ABCA13: variants seen among roughly 807,000 people sequenced by gnomAD.
ABCA13 encodes ATP-binding cassette sub-family A member 13.
Under a neutral mutation model 478.7 loss-of-function variants are expected in ABCA13, and 476 were observed. That is an observed-to-expected ratio of 0.99 (90% CI 0.92 to 1.07). The LOEUF (loss-of-function observed/expected upper bound fraction) is 1.07, where lower values mean the gene tolerates loss of function less well. Ranked by LOEUF, ABCA13 falls within the 50% of genes least tolerant of loss-of-function variation. ABCA13 has a pLI of 0.00. For missense variants in ABCA13, 6,060 were observed against 5,910.6 expected, an observed-to-expected ratio of 1.03 and a Z score of -0.83; for synonymous variants, 2,252 against 2,158.9, an observed-to-expected ratio of 1.04 and a Z score of -1.20.
chr7:48,229,217 T>G (rs1379475754), intron 6 of ABCA13, among the ~76,000 whole-genome samples: 1 of 151,964 alleles, frequency 6.6e-6, no homozygotes. Context: ...TTAAGCATAT[T>G]TATTTATAAA....
intron 42 of ABCA13, among the ~76,000 whole-genome samples, chr7:48,451,058 C>G (rs180904998): frequency 6.9e-6 from 1 of 145,014 alleles, no homozygotes; most frequent in Admixed American, 7.1e-5. Flanking sequence ...AGTGCAGTGG[C>G]GTGATCTTGG....
At chr7:48,518,602 C>T (rs1473071487) in intron 52 of ABCA13, among the ~76,000 whole-genome samples, 3 of 152,040 alleles carry the variant, frequency 2.0e-5, no homozygotes, top group African/African-American at 7.2e-5. Flanking sequence ...TTAAAAGCAG[C>T]TTATTGCTTT....
At chr7:48,552,091 G>A (rs1406989929) in intron 55 of ABCA13, among the ~76,000 whole-genome samples, 1 of 151,590 alleles carries the variant, frequency 6.6e-6, no homozygotes, top group Non-Finnish European at 1.5e-5. Context: ...TCATAGTTTT[G>A]TTTTTAATTT....
At chr7:48,335,365 T>G in intron 27 of ABCA13, 57 bp from the exon 28 acceptor site, 1 of 1,326,284 alleles carries the variant, frequency 7.5e-7, no homozygotes, top group Non-Finnish European at 1.1e-6. Context: ...TGTTGGAAGA[T>G]TTATCTTAAT....
At chr7:48,300,129 C>G (rs1256707700) in intron 23 of ABCA13, among the ~76,000 whole-genome samples, 3 of 152,288 alleles carry the variant, frequency 2.0e-5, no homozygotes, top group Admixed American at 2.0e-4. Context: ...AGGTTTTTAG[C>G]AGCACCATAT....
intron 45 of ABCA13, among the ~76,000 whole-genome samples, chr7:48,480,607 G>T (rs548097600): frequency 6.6e-6 from 1 of 152,156 alleles, no homozygotes; most frequent in Admixed American, 6.5e-5. Context: ...CTGGTGAGTC[G>T]CTGGAGAAAA....
At chr7:48,338,324 T>G in intron 28 of ABCA13, 41 bp from the exon 29 acceptor site, 2 of 1,407,154 alleles carry the variant, frequency 1.4e-6, no homozygotes, top group Middle Eastern at 3.7e-4. Flanking sequence ...TAATACGAAA[T>G]AATGCAATTA....
intron 55 of ABCA13, among the ~76,000 whole-genome samples, chr7:48,545,778 CTG>C (rs1339708701): frequency 6.6e-6 from 1 of 150,594 alleles, no homozygotes; most frequent in Non-Finnish European, 1.5e-5. Flanking sequence ...AGATTAAAAA[CTG>C]TGGCTATTAA....
At chr7:48,566,101 C>A (rs2131293514) in intron 55 of ABCA13, among the ~76,000 whole-genome samples, 1 of 152,208 alleles carries the variant, frequency 6.6e-6, no homozygotes, top group Non-Finnish European at 1.5e-5. Context: ...CTCTCATTGA[C>A]CTACTTTCAC....
chr7:48,280,368 C>T (rs1796873787), intron 18 of ABCA13, among the ~76,000 whole-genome samples: 1 of 152,182 alleles, frequency 6.6e-6, no homozygotes, highest in Non-Finnish European at 1.5e-5. Context: ...CTGGCTTCTG[C>T]CCTTTTTTGA....
At chr7:48,604,456 A>G (rs537435313) in intron 58 of ABCA13, among the ~76,000 whole-genome samples, 1 of 152,284 alleles carries the variant, frequency 6.6e-6, no homozygotes, top group Admixed American at 6.5e-5. Flanking sequence ...GTTTCAAAGA[A>G]CATCTTTATT....
At chr7:48,583,584 T>A (rs1788904346) in intron 56 of ABCA13, among the ~76,000 whole-genome samples, 1 of 152,192 alleles carries the variant, frequency 6.6e-6, no homozygotes, top group Non-Finnish European at 1.5e-5. Flanking sequence ...CCATTGAGAT[T>A]CATCCCAAAA....
At chr7:48,267,992 C>A (rs1795083838) in intron 15 of ABCA13, among the ~76,000 whole-genome samples, 1 of 152,058 alleles carries the variant, frequency 6.6e-6, no homozygotes, top group African/African-American at 2.4e-5. Context: ...TGGCAAAGTG[C>A]TCAGTTTGAT....
intron 55 of ABCA13, among the ~76,000 whole-genome samples, chr7:48,561,016 A>T (rs1363804317): frequency 3.9e-5 from 6 of 152,172 alleles, no homozygotes; most frequent in African/African-American, 1.4e-4. Flanking sequence ...TGTCCATATC[A>T]TCACAAATGA....
chr7:48,344,537 A>T (rs968179714), intron 29 of ABCA13, among the ~76,000 whole-genome samples: 2 of 152,252 alleles, frequency 1.3e-5, no homozygotes, highest in Middle Eastern at 3.4e-3. Context: ...ATTTTATACT[A>T]TGTTGTTTTA....
chr7:48,631,781 T>C (rs1431658278), intron 59 of ABCA13, among the ~76,000 whole-genome samples: 1 of 152,212 alleles, frequency 6.6e-6, no homozygotes, highest in East Asian at 1.9e-4. Context: ...TTTTATGGTG[T>C]TGATTCTTCT....
chr7:48,310,678 C>T (rs373642561), intron 24 of ABCA13, among the ~76,000 whole-genome samples: 2 of 152,080 alleles, frequency 1.3e-5, no homozygotes, highest in Non-Finnish European at 2.9e-5. Context: ...CTGTGTGTGC[C>T]GGCTCTGACA....
rs184917881 is a variant in ABCA13, at chr7:48,518,399, C to T, written c.13797+1518C>T. On this transcript the variant is annotated intron_variant, in intron 52 of 61. Coordinates refer to ENST00000435803, the MANE Select transcript of ABCA13 (RefSeq NM_152701.5). ...GTGAGATTTAGCTCCAAAAGAAAAA[C>T]GAAGAAGAATTGTCCATATCCAAAG... Among the ~76,000 whole-genome samples, 28 of 152,220 alleles carry T rather than the reference C, an allele frequency of 1.8e-4. 1 individual carries two copies. The Middle Eastern group carries it at 0.01, about 55-fold the overall frequency.
At chr7:48,632,260 T>G (rs1586045950) in intron 59 of ABCA13, among the ~76,000 whole-genome samples, 1 of 152,268 alleles carries the variant, frequency 6.6e-6, no homozygotes, top group South Asian at 2.1e-4. Flanking sequence ...TTTGGCCATT[T>G]TTATATTGGT....
Sources: allele counts gnomAD v4.1 joint callset (sites outside exome capture counted in the v4.1 genomes callset), GRCh38; gene constraint gnomAD v4.1.1; transcripts MANE v1.5; gene names NCBI Gene and HGNC (gene_info 2026-07-23, HGNC 2026-07-21).